CELF2: variants seen among roughly 807,000 people sequenced by gnomAD.
CELF2 encodes the protein CUG triplet repeat RNA-binding protein 2.
A neutral mutation model predicts 62.6 loss-of-function variants in CELF2; 8 were observed. That is an observed-to-expected ratio of 0.13 (90% CI 0.07 to 0.23). CELF2 has a LOEUF of 0.23. Ranked by LOEUF, CELF2 falls within the 10% of genes least tolerant of loss-of-function variation. CELF2 has a pLI of 1.00. For synonymous variants in CELF2, 258 were observed against 250.0 expected, an observed-to-expected ratio of 1.03 and a Z score of -0.30; for missense variants, 333 against 671.0, an observed-to-expected ratio of 0.50 and a Z score of 5.56.
At chr10:10,626,919 C>T in the CELF2 span, among the ~76,000 whole-genome samples, 1 of 152,160 alleles carries the variant, frequency 6.6e-6, no homozygotes, top group Non-Finnish European at 1.5e-5. Flanking sequence ...TCCAGCATTC[C>T]TTAAATCCTA....
the CELF2 span, among the ~76,000 whole-genome samples, chr10:10,602,819 A>G: frequency 6.6e-6 from 1 of 152,116 alleles, no homozygotes. Context: ...GAGCAACAGG[A>G]GCCGGTCTTC....
At chr10:10,484,305 C>G in the CELF2 span, among the ~76,000 whole-genome samples, 1 of 6,194 alleles carries the variant, frequency 1.6e-4, no homozygotes, top group African/African-American at 9.0e-4. Context: ...CTCCCTCCCC[C>G]CTCCCCTGCA....
rs746655098 is a variant in CELF2 at position 11,336,476 on chromosome 10, C to A, written c.*7423C>A. On this transcript the variant is annotated 3_prime_UTR_variant, in exon 13 of 13. Transcript: ENST00000633077. This position sits in a 1 kb window ranked among gnomAD's most constrained non-coding sequence, Gnocchi z 5.4. The stretch of plus-strand genomic sequence containing the variant: ...CTGGATGTGTCTTATATATATTGAA[C>A]TATATAGTACTCGATTTCTTAAATA... 4.6e-5 allele frequency: 7 copies of A among 152,584 alleles called. No homozygotes were observed. The highest frequency in any genetic ancestry group is 1.0e-4 in the Non-Finnish European group (7 of 68,036). The allele number at this position is 152,584 out of a possible 1,614,324, so 9.5% of individuals were successfully genotyped here.
rs1011751898 is a variant in CELF2, at chr10:11,177,433, AAAG to A, written c.271+11753_271+11755del. ...TGCATGTGTGAATTAAAAAAAAAAA[AAAG>A]AGAAAATTAGGTTATTAAAAGGAGG... On this transcript the variant is annotated intron_variant, in intron 2 of 12. Transcript: ENST00000633077. This position sits in a 1 kb window ranked among gnomAD's most constrained non-coding sequence, Gnocchi z 4.8. 7.9e-5 allele frequency among the ~76,000 whole-genome samples: 12 copies of A among 152,086 alleles called. No homozygotes were observed. Among genetic ancestry groups the A allele is most frequent in the Non-Finnish European group, 1.0e-4 (7 of 67,984 alleles).
chr10:10,483,857 G>C, the CELF2 span, among the ~76,000 whole-genome samples: 1 of 151,166 alleles, frequency 6.6e-6, no homozygotes, highest in African/African-American at 2.4e-5. Flanking sequence ...TTGCCTGCCT[G>C]CCTTCCTTCC....
chr10:11,063,361 C>T (rs964080469), intron 1 of CELF2, among the ~76,000 whole-genome samples: 13 of 152,262 alleles, frequency 8.5e-5, no homozygotes, highest in South Asian at 2.1e-4. Flanking sequence ...GATGGTCAGG[C>T]GACTACTACC....
the CELF2 span, among the ~76,000 whole-genome samples, chr10:10,764,311 T>G: frequency 1.3e-5 from 2 of 152,252 alleles, no homozygotes; most frequent in Admixed American, 6.5e-5. Flanking sequence ...AAAACATACT[T>G]TCTGCAAAAA....
At position 11,255,133 on chromosome 10, in the gene CELF2, T is replaced by C. The variant is rs187209815; in HGVS notation, c.404-2605T>C. Among the ~76,000 whole-genome samples the C allele has an allele frequency of 3.6e-3, 541 of 152,366 alleles. 1 individual carries two copies. The highest frequency in any genetic ancestry group is 7.3e-3 in the South Asian group (35 of 4,826). ...TGTGCTGCCCATGACTGACCAGGCTTCACCAGTTCACAGCGGATCCATGCT... is the reference window on the plus strand; with the variant it reads ...TGTGCTGCCCATGACTGACCAGGCTCCACCAGTTCACAGCGGATCCATGCT... On this transcript the variant is annotated intron_variant, in intron 4 of 12. Coordinates refer to ENST00000633077, the MANE Select transcript of CELF2 (RefSeq NM_001326342.2). This position sits in a 1 kb window ranked among gnomAD's most constrained non-coding sequence, Gnocchi z 5.5.
At chr10:11,284,840 G>A (rs1455261926) in intron 8 of CELF2, among the ~76,000 whole-genome samples, 1 of 150,966 alleles carries the variant, frequency 6.6e-6, no homozygotes, top group Non-Finnish European at 1.5e-5. Flanking sequence ...ATAATGGATG[G>A]ATGGGTGGAT....
intron 1 of CELF2, among the ~76,000 whole-genome samples, chr10:11,146,651 C>T (rs665611): frequency 6.6e-6 from 1 of 152,020 alleles, no homozygotes; most frequent in Non-Finnish European, 1.5e-5. Context: ...TGTGCTCTGT[C>T]GGTGATTTGT....
chr10:11,088,269 C>T (rs2047351767), intron 1 of CELF2, among the ~76,000 whole-genome samples: 2 of 152,184 alleles, frequency 1.3e-5, no homozygotes, highest in Admixed American at 1.3e-4. Context: ...GCAGAGTGAA[C>T]AGCATGAGTG....
At chr10:10,646,817 G>A in the CELF2 span, among the ~76,000 whole-genome samples, 1 of 152,142 alleles carries the variant, frequency 6.6e-6, no homozygotes, top group East Asian at 1.9e-4. Context: ...GCTTCGCTTG[G>A]CATTAACTTA....
chr10:10,781,883 G>A, the CELF2 span, among the ~76,000 whole-genome samples: 17 of 152,028 alleles, frequency 1.1e-4, no homozygotes, highest in South Asian at 2.1e-4. Flanking sequence ...TCAACCAACC[G>A]TGAATCAAAA....
intron 2 of CELF2, among the ~76,000 whole-genome samples, chr10:10,961,401 G>T (rs928689400): frequency 2.0e-5 from 3 of 152,098 alleles, no homozygotes; most frequent in Non-Finnish European, 2.9e-5. Context: ...GAATTTCTTG[G>T]TTTTAAAAAT....
At chr10:10,814,244 G>T (rs537519840) in intron 1 of CELF2, among the ~76,000 whole-genome samples, 12 of 100,558 alleles carry the variant, frequency 1.2e-4, no homozygotes, top group Non-Finnish European at 2.2e-4. Flanking sequence ...AAAAAAAGCT[G>T]CTCTAAAGGG....
Position 11,318,580 on chromosome 10 carries a change from G to A in CELF2, c.1097-2609G>A. On this transcript the variant is annotated intron_variant, in intron 10 of 12. Transcript: ENST00000633077. This position sits in a 1 kb window ranked among gnomAD's most constrained non-coding sequence, Gnocchi z 5.4. ...TCTGTGAAGTGGAGCCAGGAGAGAA[G>A]GATGTGGCTGGAATGTCACTGGCTG... The A allele has an allele frequency of 2.7e-6, 1 of 371,358 alleles. No individual in the cohort carries two copies. The highest frequency in any genetic ancestry group is 2.1e-5 in the South Asian group (1 of 47,658). 23.0% of individuals were successfully genotyped at this position (371,358 alleles called of 1,614,324 possible).
intron 3 of CELF2, among the ~76,000 whole-genome samples, chr10:11,236,610 A>G (rs1190152839): frequency 6.6e-6 from 1 of 152,268 alleles, no homozygotes; most frequent in African/African-American, 2.4e-5. Context: ...TTAATGAGTT[A>G]TCTGAAAAGA....
intron 1 of CELF2, among the ~76,000 whole-genome samples, chr10:11,006,887 G>A (rs772584305): frequency 1.7e-4 from 26 of 152,174 alleles, no homozygotes; most frequent in Non-Finnish European, 3.5e-4. Context: ...CAAGATAAGC[G>A]TTGGTTTCTA....
intron 1 of CELF2, among the ~76,000 whole-genome samples, chr10:11,092,619 A>G (rs927130633): frequency 2.0e-5 from 3 of 152,160 alleles, no homozygotes; most frequent in African/African-American, 7.2e-5. Flanking sequence ...AACTAAGGAG[A>G]CTTAACAAGG....
Sources: gnomAD v4.1 joint callset for allele counts (sites outside exome capture counted in the v4.1 genomes callset) on GRCh38, gnomAD v4.1.1 for gene constraint, Gnocchi (gnomAD v3.1) non-coding constraint, MANE v1.5 for transcripts, NCBI Gene and HGNC (gene_info 2026-07-23, HGNC 2026-07-21) for gene names.